The following NLGN1 variants were observed in gnomAD, a reference collection of about 807,000 sequenced individuals.
The protein encoded by NLGN1 is neuroligin 1.
Under a neutral mutation model 65.5 loss-of-function variants are expected in NLGN1, and 12 were observed. The observed-to-expected ratio is 0.18, with a 90% confidence interval of 0.12 to 0.30. The LOEUF (loss-of-function observed/expected upper bound fraction) is 0.30, where lower values mean the gene tolerates loss of function less well. Among genes scored for constraint, NLGN1 ranks in the 10% least tolerant of loss-of-function variants. NLGN1 has a pLI of 1.00. For synonymous variants in NLGN1, 350 were observed against 359.5 expected (o/e 0.97, Z 0.30); for missense variants, 750 against 1,007.1 (o/e 0.74, Z 3.46).
chr3:173,448,094 C>G (rs540436345), intron 2 of NLGN1, among the ~76,000 whole-genome samples: 1 of 152,252 alleles, frequency 6.6e-6, no homozygotes, highest in South Asian at 2.1e-4. Flanking sequence ...ACTTCCAACA[C>G]TATGTTGAAT....
intron 2 of NLGN1, among the ~76,000 whole-genome samples, chr3:173,553,653 G>T (rs573508300): frequency 6.6e-6 from 1 of 152,164 alleles, no homozygotes; most frequent in Non-Finnish European, 1.5e-5. Context: ...AATAACAAAT[G>T]CCTGTGAATA....
At chr3:174,151,133 A>T (rs1362574522) in intron 4 of NLGN1, among the ~76,000 whole-genome samples, 1 of 150,334 alleles carries the variant, frequency 6.7e-6, no homozygotes, top group Admixed American at 6.6e-5. Flanking sequence ...TCATATATTG[A>T]TGAGTGGTGT....
chr3:173,813,801 A>G (rs924851611), intron 4 of NLGN1, among the ~76,000 whole-genome samples: 30 of 152,350 alleles, frequency 2.0e-4, no homozygotes, highest in African/African-American at 7.2e-4. Context: ...AAACAAACAT[A>G]TTCACCAGAA....
At chr3:173,400,889 G>A (rs1041986490) in intron 1 of NLGN1, among the ~76,000 whole-genome samples, 17 of 152,174 alleles carry the variant, frequency 1.1e-4, no homozygotes, top group Admixed American at 5.2e-4. Flanking sequence ...TTGGCTAACC[G>A]TGGATTAAGC....
At chr3:173,665,719 G>T (rs1761606995) in intron 3 of NLGN1, among the ~76,000 whole-genome samples, 2 of 151,952 alleles carry the variant, frequency 1.3e-5, no homozygotes, top group Admixed American at 6.6e-5. Flanking sequence ...TATTTCAATG[G>T]GAAACATTTA....
intron 4 of NLGN1, among the ~76,000 whole-genome samples, chr3:173,842,913 A>G (rs1725051439): frequency 6.6e-6 from 1 of 152,116 alleles, no homozygotes; most frequent in South Asian, 2.1e-4. Context: ...CCAACCCCAC[A>G]TTTCCCTTCC....
intron 3 of NLGN1, among the ~76,000 whole-genome samples, chr3:173,607,141 A>C (rs1288326040): frequency 6.6e-6 from 1 of 151,944 alleles, no homozygotes; most frequent in African/African-American, 2.4e-5. Context: ...TTCTCATACA[A>C]CTTTAGAGGA....
chr3:173,942,136 G>A (rs976070585), intron 4 of NLGN1, among the ~76,000 whole-genome samples: 3 of 145,060 alleles, frequency 2.1e-5, no homozygotes, highest in Admixed American at 6.8e-5. Context: ...GTGTGTGTGT[G>A]TGTGTATGTG....
At chr3:173,479,447 G>T (rs914865658) in intron 2 of NLGN1, among the ~76,000 whole-genome samples, 4 of 152,182 alleles carry the variant, frequency 2.6e-5, no homozygotes, top group Admixed American at 2.6e-4. Flanking sequence ...ATACAAAGGA[G>T]CCTAGTTATC....
intron 2 of NLGN1, among the ~76,000 whole-genome samples, chr3:173,460,481 T>C (rs919514844): frequency 2.0e-5 from 3 of 152,150 alleles, no homozygotes; most frequent in Non-Finnish European, 4.4e-5. Flanking sequence ...CCAGCTAAGA[T>C]TGAACTATTA....
chr3:174,225,204 A>G (rs1324842408), intron 4 of NLGN1, among the ~76,000 whole-genome samples: 1 of 152,192 alleles, frequency 6.6e-6, no homozygotes, highest in African/African-American at 2.4e-5. Flanking sequence ...TCAATAAAAC[A>G]TATGGCCACT....
In NLGN1 at chr3:173,604,521, A is replaced by G. The variant is rs1751054891; in HGVS notation, c.-78A>G. The G allele has an allele frequency of 6.0e-6, 9 of 1,493,392 alleles. No individual in the cohort carries two copies. The East Asian group carries it at 2.0e-4, about 34-fold the overall frequency. The allele number at this position is 1,493,392 out of a possible 1,614,324, so 92.5% of individuals were successfully genotyped here. ...TAAGAAATCGGAGGTATATTCTACC[A>G]TTATACAGTCTTTCTCAAGTGGATA... On this transcript the variant is annotated 5_prime_UTR_variant, in exon 3 of 7. Transcript: ENST00000457714.
rs1730507222 is a variant in NLGN1 at position 173,498,893 on chromosome 3, A to G, written c.-321+63815A>G. Among the ~76,000 whole-genome samples, 4 of 151,396 alleles carry G rather than the reference A, an allele frequency of 2.6e-5. No individual in the cohort carries two copies. The South Asian group carries it at 8.3e-4, about 31-fold the overall frequency. On this transcript the variant is annotated intron_variant, in intron 2 of 6. Transcript: ENST00000457714. ...GTTCATATCCTTCGCCCACTTTTTGATGGGGTTGTTTGTTTTTTTCTTGTA... is the reference window on the plus strand; with the variant it reads ...GTTCATATCCTTCGCCCACTTTTTGGTGGGGTTGTTTGTTTTTTTCTTGTA...
intron 4 of NLGN1, among the ~76,000 whole-genome samples, chr3:174,039,408 T>C (rs1052163971): frequency 3.3e-5 from 5 of 152,040 alleles, no homozygotes; most frequent in African/African-American, 9.7e-5. Context: ...TTTGTCCTAA[T>C]GCTCTCTCTC....
chr3:173,557,479 C>T (rs566059118), intron 2 of NLGN1, among the ~76,000 whole-genome samples: 1 of 152,098 alleles, frequency 6.6e-6, no homozygotes, highest in South Asian at 2.1e-4. Context: ...AGTCTACTTT[C>T]TTTTATTGTT....
intron 3 of NLGN1, among the ~76,000 whole-genome samples, chr3:173,764,896 T>TA (rs1778519502): frequency 6.6e-6 from 1 of 152,176 alleles, no homozygotes; most frequent in Non-Finnish European, 1.5e-5. Flanking sequence ...GTATTATTTT[T>TA]ATAATGCTGC....
chr3:173,650,787 C>T (rs1759042778), intron 3 of NLGN1, among the ~76,000 whole-genome samples: 1 of 152,058 alleles, frequency 6.6e-6, no homozygotes, highest in South Asian at 2.1e-4. Context: ...AAGTAGATTT[C>T]TGGTAATCTA....
At chr3:174,001,092 A>C (rs114138202) in intron 4 of NLGN1, among the ~76,000 whole-genome samples, 1,836 of 152,328 alleles carry the variant, frequency 0.012, 32 homozygotes, top group African/African-American at 0.04. Flanking sequence ...CAGAGAATGC[A>C]TCAGCAAAAG....
At chr3:173,866,348 A>G (rs1341200967) in intron 4 of NLGN1, among the ~76,000 whole-genome samples, 1 of 152,114 alleles carries the variant, frequency 6.6e-6, no homozygotes, top group African/African-American at 2.4e-5. Context: ...GTGAAACTCC[A>G]TCTCAAAAGA....
Sources: gnomAD v4.1 joint callset for allele counts (sites outside exome capture counted in the v4.1 genomes callset) on GRCh38, gnomAD v4.1.1 for gene constraint, MANE v1.5 for transcripts, NCBI Gene and HGNC (gene_info 2026-07-23, HGNC 2026-07-21) for gene names.